ADAM9: variants seen among roughly 807,000 people sequenced by gnomAD.
ADAM9 encodes ADAM metallopeptidase domain 9, also known as disintegrin and metalloproteinase domain-containing protein 9.
Under a neutral mutation model 108.1 loss-of-function variants are expected in ADAM9, and 54 were observed. That is an observed-to-expected ratio of 0.50 (90% CI 0.40 to 0.63). The LOEUF (loss-of-function observed/expected upper bound fraction) is 0.63. ADAM9 is among the 20% of genes least tolerant of loss of function. The pLI, the probability that ADAM9 is intolerant of heterozygous loss-of-function variation, is 0.00. For synonymous variants in ADAM9, 316 were observed against 336.0 expected (o/e 0.94, Z 0.65); for missense variants, 830 against 997.7 (o/e 0.83, Z 2.26).
intron 16 of ADAM9, among the ~76,000 whole-genome samples, chr8:39,079,958 G>A (rs1303113438): frequency 6.6e-6 from 1 of 152,072 alleles, no homozygotes; most frequent in Non-Finnish European, 1.5e-5. Context: ...AAAGCTTTTT[G>A]TATCTCAGTA....
intron 1 of ADAM9, among the ~76,000 whole-genome samples, chr8:38,997,980 C>A (rs961557204): frequency 1.5e-4 from 23 of 152,190 alleles, no homozygotes; most frequent in Admixed American, 2.6e-4. Flanking sequence ...ATAGTGGAAG[C>A]AGATTGTCAG....
chr8:39,033,492 G>A (rs149092658), intron 11 of ADAM9, among the ~76,000 whole-genome samples: 131 of 150,422 alleles, frequency 8.7e-4, no homozygotes, highest in African/African-American at 3.1e-3. Flanking sequence ...CATTGACAGT[G>A]TGTTTTTTTT....
intron 14 of ADAM9, among the ~76,000 whole-genome samples, chr8:39,067,619 G>A (rs922286266): frequency 1.3e-5 from 2 of 152,214 alleles, no homozygotes; most frequent in Non-Finnish European, 2.9e-5. Context: ...TGCTGAAGTT[G>A]CTTATCAGCT....
Position 39,103,788 on chromosome 8 carries a change from G to A in ADAM9, c.*88G>A. Reference sequence around the variant, plus strand: ...TGATGTTTTCTTGAAAAGCCTTTCTGTTGCAACTATGAATGAAAACAAAAC... The same window carrying A: ...TGATGTTTTCTTGAAAAGCCTTTCTATTGCAACTATGAATGAAAACAAAAC... On this transcript the variant is annotated 3_prime_UTR_variant, in exon 22 of 22. Coordinates refer to ENST00000487273, the MANE Select transcript of ADAM9 (RefSeq NM_003816.3). 1.6e-6 allele frequency: 2 copies of A among 1,280,980 alleles called. No individual in the cohort carries two copies. Among genetic ancestry groups the A allele is most frequent in the East Asian group, 2.3e-5 (1 of 43,216 alleles). The allele number at this position is 1,280,980 out of a possible 1,614,324, so 79.4% of individuals were successfully genotyped here. A position where few individuals can be genotyped will look rare whatever the true frequency, so the allele number is the denominator to read the frequency against.
At chr8:39,038,451 C>T (rs950456030) in intron 11 of ADAM9, among the ~76,000 whole-genome samples, 2 of 152,164 alleles carry the variant, frequency 1.3e-5, no homozygotes, top group Admixed American at 6.5e-5. Flanking sequence ...TTTGAGGTGC[C>T]TGTCCTGACT....
chr8:39,099,197 C>T (rs2129443555), intron 20 of ADAM9, among the ~76,000 whole-genome samples: 1 of 152,278 alleles, frequency 6.6e-6, no homozygotes, highest in Non-Finnish European at 1.5e-5. Context: ...TTCACCATTC[C>T]ATCCAGCTCA....
At chr8:39,089,338 G>A (rs1297609706) in intron 18 of ADAM9, among the ~76,000 whole-genome samples, 3 of 152,174 alleles carry the variant, frequency 2.0e-5, no homozygotes, top group South Asian at 2.1e-4. Flanking sequence ...CTGCCTGGTT[G>A]GCAAAAATCC....
intron 18 of ADAM9, among the ~76,000 whole-genome samples, chr8:39,083,770 G>A (rs1839095356): frequency 6.6e-6 from 1 of 151,948 alleles, no homozygotes; most frequent in East Asian, 1.9e-4. Flanking sequence ...AAAATTCCCT[G>A]ATAGACCATG....
intron 3 of ADAM9, 66 bp from the exon 4 acceptor site, chr8:39,013,899 T>C (rs886514573): frequency 5.9e-5 from 74 of 1,251,930 alleles, no homozygotes; most frequent in Non-Finnish European, 1.1e-5. Flanking sequence ...AATAATGCCT[T>C]ATGAATCGTG....
At chr8:39,083,270 A>G (rs1839078591) in intron 18 of ADAM9, among the ~76,000 whole-genome samples, 197 bp downstream of exon 18, 1 of 152,176 alleles carries the variant, frequency 6.6e-6, no homozygotes, top group Non-Finnish European at 1.5e-5. Context: ...GACATACATC[A>G]TAGCCTCTTA....
At chr8:39,002,033 T>TA (rs35778686) in intron 1 of ADAM9, among the ~76,000 whole-genome samples, 12,661 of 108,450 alleles carry the variant, frequency 0.12, 666 homozygotes, top group African/African-American at 0.13. Context: ...CTAGAATGAT[T>TA]AAAAAAAAAA....
rs981875650 is a variant in ADAM9, at chr8:39,017,508, T to G, written c.606+94T>G. On this transcript the variant is annotated intron_variant, in intron 6 of 21. Transcript: ENST00000487273. ...AATCAATACTATGAGTAGTGTTTTTTTTTCTTTTCTTAATTTTGCCAAATA... is the reference window on the plus strand; with the variant it reads ...AATCAATACTATGAGTAGTGTTTTTGTTTCTTTTCTTAATTTTGCCAAATA... 1.2e-5 allele frequency: 16 copies of G among 1,377,610 alleles called. No individual in the cohort carries two copies. In the Admixed American group the frequency reaches 1.2e-4, roughly 10 times the overall value. The allele number at this position is 1,377,610 out of a possible 1,614,324, so 85.3% of individuals were successfully genotyped here. A position where few individuals can be genotyped will look rare whatever the true frequency, so the allele number is the denominator to read the frequency against.
At chr8:39,068,319 C>T (rs1337753320) in intron 14 of ADAM9, among the ~76,000 whole-genome samples, 15 of 151,864 alleles carry the variant, frequency 9.9e-5, no homozygotes, top group Admixed American at 9.8e-4. Context: ...AGGTTTTTTT[C>T]CTCTTGGGCT....
At chr8:39,028,348 C>G (rs867134319) in intron 11 of ADAM9, among the ~76,000 whole-genome samples, 2 of 150,890 alleles carry the variant, frequency 1.3e-5, no homozygotes, top group Non-Finnish European at 2.9e-5. Context: ...ATAGTACTTA[C>G]AAAAAGCCAT....
At chr8:39,016,292 A>G (rs1369298528) in intron 5 of ADAM9, 98 bp downstream of exon 5, 19 of 1,089,254 alleles carry the variant, frequency 1.7e-5, no homozygotes, top group Non-Finnish European at 2.7e-5. Context: ...GGCACTTAGC[A>G]AAATTGGAAT....
At chr8:39,094,766 T>G (rs1839450551) in intron 20 of ADAM9, among the ~76,000 whole-genome samples, 1 of 152,146 alleles carries the variant, frequency 6.6e-6, no homozygotes, top group East Asian at 1.9e-4. Context: ...CTGTAATGTC[T>G]TCTCTTTCAT....
chr8:39,008,325 C>G (rs1836232366), intron 2 of ADAM9, among the ~76,000 whole-genome samples: 1 of 152,000 alleles, frequency 6.6e-6, no homozygotes, highest in Non-Finnish European at 1.5e-5. Flanking sequence ...CATGTGCCAC[C>G]ATGTCTGGCT....
intron 4 of ADAM9, 132 bp downstream of exon 4, chr8:39,014,175 G>T: frequency 1.3e-6 from 1 of 749,644 alleles, no homozygotes; most frequent in South Asian, 1.5e-5. Flanking sequence ...TAACATATGG[G>T]TTATCTTGGG....
chr8:39,065,364 T>C (rs957345550), intron 14 of ADAM9, among the ~76,000 whole-genome samples: 1 of 151,910 alleles, frequency 6.6e-6, no homozygotes, highest in African/African-American at 2.4e-5. Flanking sequence ...TAAGAAATAA[T>C]CTATTCTTGG....
Sources: allele counts gnomAD v4.1 joint callset (sites outside exome capture counted in the v4.1 genomes callset), GRCh38; gene constraint gnomAD v4.1.1; transcripts MANE v1.5; gene names NCBI Gene and HGNC (gene_info 2026-07-23, HGNC 2026-07-21).